LINGO2: variants seen among roughly 807,000 people sequenced by gnomAD.
The protein encoded by LINGO2 is leucine-rich repeat and immunoglobulin-like domain-containing nogo receptor-interacting protein 2.
LINGO2 carries 14 observed loss-of-function variants against 30.6 expected under a neutral mutation model. The observed-to-expected ratio is 0.46, with a 90% CI of 0.30 to 0.72. LINGO2 has a LOEUF of 0.72. Ranked by LOEUF, LINGO2 falls within the 30% of genes least tolerant of loss-of-function variation. The pLI is 0.07. For missense variants in LINGO2, 729 were observed against 751.7 expected (o/e 0.97, Z 0.35); for synonymous variants, 317 against 288.5 (o/e 1.10, Z -1.00).
chr9:28,202,836 C>G (rs1010803717), intron 4 of LINGO2, among the ~76,000 whole-genome samples: 1 of 152,134 alleles, frequency 6.6e-6, no homozygotes, highest in Non-Finnish European at 1.5e-5. Context: ...ATGGCACAAA[C>G]TGACATTCTC....
the LINGO2 span, among the ~76,000 whole-genome samples, chr9:29,013,265 G>T: frequency 6.6e-6 from 1 of 152,254 alleles, no homozygotes; most frequent in South Asian, 2.1e-4. Flanking sequence ...TGGAAGAACT[G>T]CTCCAATGTG....
intron 1 of LINGO2, among the ~76,000 whole-genome samples, chr9:28,539,191 T>C (rs1478401841): frequency 6.6e-6 from 1 of 152,018 alleles, no homozygotes; most frequent in Non-Finnish European, 1.5e-5. Flanking sequence ...TTAAAATATA[T>C]CAACACAGAT....
At chr9:27,983,529 G>C (rs1820983023) in intron 5 of LINGO2, among the ~76,000 whole-genome samples, 1 of 151,844 alleles carries the variant, frequency 6.6e-6, no homozygotes. Flanking sequence ...AGCATATAAA[G>C]ACATGATGCT....
chr9:28,721,049 C>A, the LINGO2 span, among the ~76,000 whole-genome samples: 1 of 151,832 alleles, frequency 6.6e-6, no homozygotes, highest in African/African-American at 2.4e-5. Flanking sequence ...ATTTATGTGG[C>A]CAACAAACAT....
chr9:28,703,426 T>A, the LINGO2 span, among the ~76,000 whole-genome samples: 2 of 151,908 alleles, frequency 1.3e-5, 1 homozygote, highest in South Asian at 4.1e-4. Flanking sequence ...TTTCCATTTA[T>A]CTCCCTTTAT....
At chr9:28,577,528 C>A (rs916801954) in intron 1 of LINGO2, among the ~76,000 whole-genome samples, 1 of 152,130 alleles carries the variant, frequency 6.6e-6, no homozygotes, top group East Asian at 1.9e-4. Flanking sequence ...TTCAAATTTG[C>A]ATGGAGGCTA....
chr9:28,892,346 A>G, the LINGO2 span, among the ~76,000 whole-genome samples: 1 of 152,010 alleles, frequency 6.6e-6, no homozygotes, highest in Admixed American at 6.6e-5. Context: ...ATGATAAAAT[A>G]TGAATTTATG....
At chr9:28,541,842 T>C (rs906852757) in intron 1 of LINGO2, among the ~76,000 whole-genome samples, 21 of 152,142 alleles carry the variant, frequency 1.4e-4, no homozygotes, top group African/African-American at 4.1e-4. Context: ...AGAGTTAAAA[T>C]TCAAAAACTT....
the LINGO2 span, among the ~76,000 whole-genome samples, chr9:29,110,864 T>A: frequency 4.0e-5 from 6 of 151,790 alleles, no homozygotes; most frequent in African/African-American, 1.5e-4. Context: ...CTAATTTTTG[T>A]ATTTTTAGTA....
At chr9:28,346,283 A>T (rs1397870675) in intron 3 of LINGO2, among the ~76,000 whole-genome samples, 9 of 152,084 alleles carry the variant, frequency 5.9e-5, no homozygotes, top group Non-Finnish European at 1.2e-4. Flanking sequence ...GCTCCTACTT[A>T]TATGTGAGAA....
At chr9:28,072,195 T>A (rs375469318) in intron 4 of LINGO2, among the ~76,000 whole-genome samples, 13 of 152,322 alleles carry the variant, frequency 8.5e-5, no homozygotes, top group South Asian at 8.3e-4. Context: ...GTGTATGAAC[T>A]GGCACAGTTG....
chr9:28,829,717 G>A, the LINGO2 span, among the ~76,000 whole-genome samples: 258 of 152,152 alleles, frequency 1.7e-3, no homozygotes, highest in Admixed American at 3.4e-3. Context: ...GCAAAACTCC[G>A]TCTCTAATGA....
At chr9:28,489,448 G>A (rs1826298675) in intron 1 of LINGO2, among the ~76,000 whole-genome samples, 1 of 152,122 alleles carries the variant, frequency 6.6e-6, no homozygotes. Context: ...GGGATTACAG[G>A]CATAAGTCAC....
chr9:28,328,440 T>C (rs977227150), intron 3 of LINGO2, among the ~76,000 whole-genome samples: 2 of 152,084 alleles, frequency 1.3e-5, no homozygotes, highest in African/African-American at 4.8e-5. Flanking sequence ...ACCAAACATA[T>C]GCCTTCAGCA....
At chr9:28,425,258 T>G (rs1823357486) in intron 2 of LINGO2, among the ~76,000 whole-genome samples, 1 of 147,836 alleles carries the variant, frequency 6.8e-6, no homozygotes, top group African/African-American at 2.5e-5. Context: ...AATATATGTA[T>G]TATATATTAT....
At chr9:28,481,217 C>T (rs1028663719) in intron 1 of LINGO2, among the ~76,000 whole-genome samples, 5 of 152,072 alleles carry the variant, frequency 3.3e-5, no homozygotes, top group African/African-American at 9.7e-5. Flanking sequence ...TTAAGATCTT[C>T]ATAACTGTGA....
intron 4 of LINGO2, among the ~76,000 whole-genome samples, chr9:28,100,097 G>T (rs535251388): frequency 6.6e-6 from 1 of 152,162 alleles, no homozygotes; most frequent in African/African-American, 2.4e-5. Flanking sequence ...TTTCCCATTA[G>T]ATTGAAAGCT....
At chr9:28,607,187 A>G (rs186331335) in intron 1 of LINGO2, among the ~76,000 whole-genome samples, 50 of 152,122 alleles carry the variant, frequency 3.3e-4, no homozygotes, top group Middle Eastern at 6.8e-3. Flanking sequence ...TTGATTTAAA[A>G]AGCAAGTCAA....
intron 4 of LINGO2, among the ~76,000 whole-genome samples, chr9:28,265,277 T>C (rs1255587950): frequency 6.6e-6 from 1 of 151,838 alleles, no homozygotes; most frequent in Non-Finnish European, 1.5e-5. Context: ...GGCACATCAC[T>C]CACAGGGATA....
Sources: allele counts gnomAD v4.1 joint callset (sites outside exome capture counted in the v4.1 genomes callset), GRCh38; gene constraint gnomAD v4.1.1; transcripts MANE v1.5; gene names NCBI Gene and HGNC (gene_info 2026-07-23, HGNC 2026-07-21).